The following ZFTRAF1 variants were observed in gnomAD, a reference collection of about 807,000 sequenced individuals.
The protein encoded by ZFTRAF1 is zinc finger TRAF-type-containing protein 1.
At chr8:144,460,107 C>G in the ZFTRAF1 span, among the ~76,000 whole-genome samples, 1 of 152,206 alleles carries the variant, frequency 6.6e-6, no homozygotes, top group Non-Finnish European at 1.5e-5. Context: ...CCAGGGGCAC[C>G]ACTCACAGCC....
the ZFTRAF1 span, among the ~76,000 whole-genome samples, chr8:144,459,691 T>C: frequency 1.3e-5 from 2 of 152,328 alleles, no homozygotes; most frequent in African/African-American, 2.4e-5. Flanking sequence ...CAGAGGCCCA[T>C]GGAGTTGTCC....
At chr8:144,455,184 G>C in the ZFTRAF1 span, 1 of 152,172 alleles carries the variant, frequency 6.6e-6, no homozygotes, top group African/African-American at 2.4e-5. Flanking sequence ...GCATGGTGGC[G>C]AGCGCCTGTA....
chr8:144,452,618 G>A, the ZFTRAF1 span: 3 of 1,493,040 alleles, frequency 2.0e-6, no homozygotes, highest in Non-Finnish European at 1.8e-6. Flanking sequence ...CGAACAGGAG[G>A]CTGCAACAAG....
At chr8:144,454,492 T>C in the ZFTRAF1 span, 1 of 152,266 alleles carries the variant, frequency 6.6e-6, no homozygotes, top group East Asian at 1.9e-4. Context: ...CAAAGACTCT[T>C]AGAGCTCGCT....
the ZFTRAF1 span, chr8:144,462,438 G>C: frequency 1.1e-5 from 3 of 275,728 alleles, no homozygotes; most frequent in Non-Finnish European, 1.9e-5. Flanking sequence ...GGCGCGTCGG[G>C]GTCGCCGGCC....
At chr8:144,459,214 C>T in the ZFTRAF1 span, among the ~76,000 whole-genome samples, 3 of 152,364 alleles carry the variant, frequency 2.0e-5, no homozygotes, top group South Asian at 2.1e-4. Context: ...ACACTGCCCT[C>T]GGGCCGCAGA....
chr8:144,451,814 G>C, the ZFTRAF1 span: 4 of 194,148 alleles, frequency 2.1e-5, no homozygotes, highest in Non-Finnish European at 3.2e-5. Flanking sequence ...GCGTCTGTGG[G>C]TGTCCACTCC....
the ZFTRAF1 span, among the ~76,000 whole-genome samples, chr8:144,461,226 G>A: frequency 2.0e-5 from 3 of 152,200 alleles, no homozygotes; most frequent in South Asian, 4.1e-4. Context: ...CCTCATCCAG[G>A]CCCCCAATTC....
the ZFTRAF1 span, chr8:144,452,188 C>T: frequency 6.5e-5 from 51 of 783,252 alleles, no homozygotes; most frequent in Middle Eastern, 2.2e-4. Flanking sequence ...ACTCAGTCTC[C>T]GGCCTGTCTT....
chr8:144,450,359 G>T, the ZFTRAF1 span: 1 of 706,996 alleles, frequency 1.4e-6, no homozygotes, highest in South Asian at 1.5e-5. Flanking sequence ...TGGGCTCCTC[G>T]GACATCCTGA....
chr8:144,454,167 C>T, the ZFTRAF1 span: 2 of 152,372 alleles, frequency 1.3e-5, no homozygotes, highest in African/African-American at 2.4e-5. Context: ...GAGCAGGGCA[C>T]CTCCCGCTGG....
the ZFTRAF1 span, among the ~76,000 whole-genome samples, chr8:144,461,229 C>T: frequency 6.6e-6 from 1 of 152,224 alleles, no homozygotes; most frequent in Non-Finnish European, 1.5e-5. Flanking sequence ...CATCCAGGCC[C>T]CCAATTCAAA....
chr8:144,461,015 A>G, the ZFTRAF1 span, among the ~76,000 whole-genome samples: 2 of 152,234 alleles, frequency 1.3e-5, no homozygotes, highest in Non-Finnish European at 2.9e-5. Context: ...TCTGGGAGCC[A>G]GTGGCTCTGA....
At chr8:144,462,379 C>T in the ZFTRAF1 span, 1 of 471,516 alleles carries the variant, frequency 2.1e-6, no homozygotes, top group East Asian at 3.8e-5. Context: ...CCGCCGCCGC[C>T]GCCGCCGCCG....
the ZFTRAF1 span, chr8:144,462,198 C>A: frequency 1.3e-5 from 6 of 453,418 alleles, no homozygotes; most frequent in Non-Finnish European, 2.3e-5. Flanking sequence ...CAGGCCTGGC[C>A]TCCGAGGAGA....
chr8:144,453,153 C>T, the ZFTRAF1 span: 1 of 1,392,526 alleles, frequency 7.2e-7, no homozygotes, highest in South Asian at 1.3e-5. Context: ...CAGGGCCCTG[C>T]TGCACCAGGG....
At chr8:144,458,366 C>T in the ZFTRAF1 span, among the ~76,000 whole-genome samples, 3 of 152,240 alleles carry the variant, frequency 2.0e-5, no homozygotes, top group Non-Finnish European at 1.5e-5. Context: ...AGAACATCTT[C>T]CTTGCTCCTG....
chr8:144,452,767 G>A, the ZFTRAF1 span, among the ~76,000 whole-genome samples: 3 of 152,222 alleles, frequency 2.0e-5, no homozygotes, highest in African/African-American at 7.2e-5. Flanking sequence ...GGAGAGAGAG[G>A]GGAAGGAAGA....
chr8:144,453,378 C>T, the ZFTRAF1 span: 1 of 1,551,210 alleles, frequency 6.4e-7, no homozygotes, highest in South Asian at 1.2e-5. Flanking sequence ...ACAATTGGGG[C>T]ACGTGGCCTG....
Sources: gnomAD v4.1 joint callset for allele counts (sites outside exome capture counted in the v4.1 genomes callset) on GRCh38, gnomAD v4.1.1 for gene constraint, MANE v1.5 for transcripts, NCBI Gene and HGNC (gene_info 2026-07-23, HGNC 2026-07-21) for gene names.